The following GSK3B variants were observed in gnomAD, a reference collection of about 807,000 sequenced individuals.
GSK3B encodes the protein glycogen synthase kinase-3 beta.
A neutral mutation model predicts 56.4 loss-of-function variants in GSK3B; 15 were observed. The ratio of observed to expected loss-of-function variants is 0.27; its 90% CI spans 0.18 to 0.41. The LOEUF (loss-of-function observed/expected upper bound fraction) is 0.41, where lower values mean the gene tolerates loss of function less well. Among genes scored for constraint, GSK3B ranks in the 10% least tolerant of loss-of-function variants. The probability of loss-of-function intolerance (pLI) is 1.00; values close to 1 mark genes in which losing one functional copy is unlikely to be tolerated. For missense variants in GSK3B, 300 were observed against 513.4 expected (o/e 0.58, Z 4.02); for synonymous variants, 181 against 188.9 (o/e 0.96, Z 0.34).
intron 2 of GSK3B, among the ~76,000 whole-genome samples, chr3:119,955,908 C>T (rs191683094): frequency 1.3e-5 from 2 of 152,278 alleles, no homozygotes; most frequent in African/African-American, 4.8e-5. Flanking sequence ...CTACCTCGGC[C>T]TCCCAAAGTG....
intron 6 of GSK3B, among the ~76,000 whole-genome samples, chr3:119,912,409 T>C (rs1339450208): frequency 6.6e-6 from 1 of 151,696 alleles, no homozygotes; most frequent in African/African-American, 2.4e-5. Flanking sequence ...CACAAAGACA[T>C]GATGACACAA....
intron 1 of GSK3B, among the ~76,000 whole-genome samples, chr3:120,034,066 C>T (rs1203688951): frequency 1.3e-5 from 2 of 151,954 alleles, no homozygotes; most frequent in Non-Finnish European, 2.9e-5. Flanking sequence ...GAACCTGTGC[C>T]AAATTTTTAA....
intron 9 of GSK3B, among the ~76,000 whole-genome samples, chr3:119,846,447 A>G (rs1359358774): frequency 6.6e-6 from 1 of 152,218 alleles, no homozygotes; most frequent in African/African-American, 2.4e-5. Flanking sequence ...TACAAGAAAA[A>G]AACAAACAAT....
chr3:119,853,465 T>A (rs1043803153), intron 9 of GSK3B, among the ~76,000 whole-genome samples: 9 of 152,204 alleles, frequency 5.9e-5, no homozygotes, highest in African/African-American at 2.2e-4. Flanking sequence ...AAGAAAGTCA[T>A]TGGTAGCTTG....
chr3:119,869,839 T>C (rs1209712925), intron 8 of GSK3B, among the ~76,000 whole-genome samples: 1 of 152,226 alleles, frequency 6.6e-6, no homozygotes, highest in East Asian at 1.9e-4. Flanking sequence ...GCTGTATATA[T>C]GTAGATATCA....
intron 1 of GSK3B, chr3:120,029,855 G>A: frequency 3.6e-6 from 2 of 551,110 alleles, no homozygotes; most frequent in Non-Finnish European, 7.4e-6. Context: ...AAAAAAGGAG[G>A]TGGCTCTAAG....
chr3:119,918,127 T>C (rs894424628), intron 4 of GSK3B, among the ~76,000 whole-genome samples: 1 of 152,158 alleles, frequency 6.6e-6, no homozygotes, highest in African/African-American at 2.4e-5. Flanking sequence ...TTACTATTTA[T>C]GTATTTTGCC....
chr3:120,093,306 G>C lies in GSK3B; in HGVS notation c.88+41C>G, dbSNP rs1410194871. ...GTATTTCGAGGTTTCTTATTTTAAG[G>C]GCGAGGTGGAAAAGGGGTGTAAAAT... On this transcript the variant is annotated intron_variant, in intron 1 of 10. Transcript: ENST00000264235. 2.4e-6 allele frequency: 3 copies of C among 1,269,088 alleles called. No homozygotes were observed. The South Asian group carries it at 3.6e-5, about 15-fold the overall frequency. 78.6% of individuals were successfully genotyped at this position (1,269,088 alleles called of 1,614,324 possible).
chr3:119,969,083 G>C (rs1446406942), intron 2 of GSK3B, among the ~76,000 whole-genome samples: 1 of 152,094 alleles, frequency 6.6e-6, no homozygotes, highest in Non-Finnish European at 1.5e-5. Flanking sequence ...CCTGAGGTCA[G>C]GAGTTCAAGA....
At position 119,843,330 on chromosome 3, in the gene GSK3B, C is replaced by A; in HGVS notation, c.1120G>T (p.Ala374Ser). Residue 374 changes from alanine to serine, a missense_variant, in exon 10 of 11, where the codon GCT becomes TCT. Transcript: ENST00000264235. Reference protein sequence around the residue: ...TQELSSNPPLATILIPPHARI... With the variant: ...TQELSSNPPLSTILIPPHARI... Reference sequence around the variant, plus strand: ...GCATGAGGAGGAATAAGGATGGTAGCCAGAGGTGGATTACTTGACAGTTCT... The same window carrying A: ...GCATGAGGAGGAATAAGGATGGTAGACAGAGGTGGATTACTTGACAGTTCT... 1 of 1,608,586 alleles carries A rather than the reference C, an allele frequency of 6.2e-7. No individual in the cohort carries two copies. The highest frequency in any genetic ancestry group is 2.2e-5 in the East Asian group (1 of 44,744).
intron 9 of GSK3B, among the ~76,000 whole-genome samples, chr3:119,861,623 G>A (rs1361290834): frequency 1.3e-5 from 2 of 151,986 alleles, no homozygotes; most frequent in Non-Finnish European, 2.9e-5. Flanking sequence ...TAGAAACACT[G>A]TTCAAAAACA....
chr3:119,947,197 TG>T, intron 3 of GSK3B, 70 bp downstream of exon 3: 1 of 907,728 alleles, frequency 1.1e-6, no homozygotes. Context: ...CTATGAGCGG[TG>T]GGGAGATTAA....
chr3:119,936,646 C>T, intron 3 of GSK3B, among the ~76,000 whole-genome samples: 1 of 151,718 alleles, frequency 6.6e-6, no homozygotes, highest in Non-Finnish European at 1.5e-5. Flanking sequence ...ATGCACCTAG[C>T]CTTGGGTATC....
At chr3:120,054,562 G>A (rs560287892) in intron 1 of GSK3B, among the ~76,000 whole-genome samples, 2 of 152,160 alleles carry the variant, frequency 1.3e-5, no homozygotes, top group Admixed American at 1.3e-4. Context: ...AACACAACCT[G>A]ACCCTTTTTT....
chr3:119,830,906 T>C (rs770012423), intron 10 of GSK3B, among the ~76,000 whole-genome samples: 4 of 152,168 alleles, frequency 2.6e-5, no homozygotes, highest in Non-Finnish European at 4.4e-5. Context: ...AATTGTTCAA[T>C]AGATGGGAAG....
At chr3:119,964,730 G>C (rs1422157451) in intron 2 of GSK3B, among the ~76,000 whole-genome samples, 1 of 152,096 alleles carries the variant, frequency 6.6e-6, no homozygotes, top group Non-Finnish European at 1.5e-5. Flanking sequence ...TTTGCTAAGA[G>C]GGTAAATGTC....
intron 10 of GSK3B, among the ~76,000 whole-genome samples, chr3:119,828,898 A>C (rs1156692498): frequency 6.6e-6 from 1 of 152,236 alleles, no homozygotes; most frequent in Non-Finnish European, 1.5e-5. Flanking sequence ...CATGTACACA[A>C]GTGAAGATAT....
At chr3:119,951,954 TA>T (rs536904299) in intron 2 of GSK3B, among the ~76,000 whole-genome samples, 83 of 141,678 alleles carry the variant, frequency 5.9e-4, no homozygotes, top group East Asian at 1.4e-3. Context: ...GAGATGGCAT[TA>T]AAAAAAAAAA....
chr3:119,863,468 T>G lies in GSK3B; in HGVS notation c.1047A>C (p.Lys349Asn). The G allele has an allele frequency of 6.2e-7, 1 of 1,614,076 alleles. No individual in the cohort carries two copies. The highest frequency in any genetic ancestry group is 8.5e-7 in the Non-Finnish European group (1 of 1,179,952). ...CAGGTGTGTCTCGCCCATTTGGTAG[T>G]TTGACATTTGGGTCCCGTAATTCAT... ...FFDELRDPNV[K>N]LPNGRDTPAL... The change falls in exon 9 of 11, where the codon AAA becomes AAC. Residue 349 changes from lysine (K) to asparagine (N), a missense_variant. Around this residue, in one of 6 missense-constraint regions of GSK3B, gnomAD observed 88 missense variants for 92.7 expected, o/e 0.95. Transcript: ENST00000264235.
Sources: allele counts gnomAD v4.1 joint callset (sites outside exome capture counted in the v4.1 genomes callset), GRCh38; gene constraint gnomAD v4.1.1; regional missense constraint gnomAD v4.1.1; transcripts MANE v1.5; gene names NCBI Gene and HGNC (gene_info 2026-07-23, HGNC 2026-07-21).